COL4A6: variants seen among roughly 807,000 people sequenced by gnomAD.
The protein encoded by COL4A6 is collagen type IV alpha 6 chain, also known as collagen alpha-6(IV) chain.
Under a neutral mutation model 126.7 loss-of-function variants are expected in COL4A6, and 59 were observed. That is an observed-to-expected ratio of 0.47 (90% CI 0.38 to 0.58). The LOEUF (loss-of-function observed/expected upper bound fraction) is 0.58, where lower values mean the gene tolerates loss of function less well. Ranked by LOEUF, COL4A6 falls within the 20% of genes least tolerant of loss-of-function variation. The pLI, the probability that COL4A6 is intolerant of heterozygous loss-of-function variation, is 0.00. For synonymous variants in COL4A6, 547 were observed against 496.6 expected (o/e 1.10, Z -1.35); for missense variants, 1,285 against 1,337.3 (o/e 0.96, Z 0.61).
intron 2 of COL4A6, among the ~76,000 whole-genome samples, chrX:108,369,852 A>T (rs1569446033): frequency 8.9e-6 from 1 of 112,331 alleles, no homozygotes; most frequent in Non-Finnish European, 1.9e-5. Flanking sequence ...CTGCTGTTGC[A>T]GGGGGAAAGC....
chrX:108,184,950 T>C, intron 23 of COL4A6, among the ~76,000 whole-genome samples: 1 of 112,377 alleles, frequency 8.9e-6, no homozygotes, highest in Middle Eastern at 4.6e-3. Context: ...TTTAAAACCT[T>C]GTTGCTTGCA....
At chrX:108,352,562 A>G (rs2039869416) in intron 2 of COL4A6, among the ~76,000 whole-genome samples, 1 of 112,456 alleles carries the variant, frequency 8.9e-6, no homozygotes, top group Non-Finnish European at 1.9e-5. Context: ...ATCAGGGCTG[A>G]GACTAATACT....
At chrX:108,345,982 A>T (rs962139239) in intron 2 of COL4A6, among the ~76,000 whole-genome samples, 2 of 111,391 alleles carry the variant, frequency 1.8e-5, no homozygotes, top group Admixed American at 9.5e-5. Flanking sequence ...CAAGGTTGAG[A>T]AACACAAGTC....
At position 108,170,912 on chromosome X, in the gene COL4A6, T is replaced by C; in HGVS notation, c.3283A>G (p.Lys1095Glu). ...QPGESGFKGT[K>E]GRDGLIGNIG... ...TTGCCTATTAGTCCATCTCTTCCTT[T>C]TGTGCCTATAAAACCAAGAAAAATG... Residue 1095 changes from lysine to glutamate, a missense_variant, in exon 34 of 45, where the codon AAA (lysine) becomes GAA (glutamate). Coordinates refer to ENST00000334504, the MANE Select transcript of COL4A6 (RefSeq NM_033641.4). The C allele has an allele frequency of 8.3e-7, 1 of 1,207,967 alleles. No homozygotes were observed. The highest frequency in any genetic ancestry group is 1.8e-5 in the South Asian group (1 of 56,914).
chrX:108,287,552 T>C (rs967129103), intron 3 of COL4A6, among the ~76,000 whole-genome samples: 1 of 111,781 alleles, frequency 8.9e-6, no homozygotes, highest in African/African-American at 3.3e-5. Context: ...TCTGATGCTA[T>C]GTGAGTTATA....
At chrX:108,174,808 C>T (rs2034428406) in intron 30 of COL4A6, among the ~76,000 whole-genome samples, 187 bp from the exon 31 acceptor site, 1 of 111,266 alleles carries the variant, frequency 9.0e-6, no homozygotes, top group Non-Finnish European at 1.9e-5. Context: ...TCTGCTATAC[C>T]ACTGGGAAAG....
At chrX:108,387,095 C>T (rs1363863366) in intron 2 of COL4A6, among the ~76,000 whole-genome samples, 1 of 111,791 alleles carries the variant, frequency 8.9e-6, no homozygotes, top group Admixed American at 9.5e-5. Context: ...GTACCATTAC[C>T]ATGCTGTTTT....
rs1429344016 is a variant in COL4A6 at position 108,425,733 on chromosome X, A to ACACACACAC, written c.63+12208_63+12209insGTGTGTGTG. 2.6e-4 allele frequency among the ~76,000 whole-genome samples: 24 copies of ACACACACAC among 90,586 alleles called. No individual in the cohort carries two copies. In the East Asian group the frequency reaches 7.6e-3, roughly 29 times the overall value. The allele number at this position is 90,586 out of a possible 115,157, so 78.7% of individuals were successfully genotyped here. On this transcript the variant is annotated intron_variant, in intron 2 of 44. Transcript: ENST00000334504. ...TGGGCGACAGCACAACACACACACA[A>ACACACACAC]ACACACACACACACACACACACACA...
rs761064470 is a variant in COL4A6, at chrX:108,178,917, A to G, written c.2354-72T>C. Reference sequence around the variant, plus strand: ...TGAGTGGGTCAGCAAACCAACTTCCAGGACTTATCCCAGGTGCCACTGTCT... The same window carrying G: ...TGAGTGGGTCAGCAAACCAACTTCCGGGACTTATCCCAGGTGCCACTGTCT... On this transcript the variant is annotated intron_variant, in intron 26 of 44. Coordinates refer to ENST00000334504, the MANE Select transcript of COL4A6 (RefSeq NM_033641.4). 16 of 1,079,158 alleles carry G rather than the reference A, an allele frequency of 1.5e-5. No individual in the cohort carries two copies. In the African/African-American group the frequency reaches 2.9e-4, roughly 20 times the overall value. 88.9% of individuals were successfully genotyped at this position (1,079,158 alleles called of 1,213,427 possible). A position where few individuals can be genotyped will look rare whatever the true frequency, so the allele number is the denominator to read the frequency against.
chrX:108,302,166 C>T (rs1009504855), intron 3 of COL4A6, among the ~76,000 whole-genome samples: 2 of 110,803 alleles, frequency 1.8e-5, no homozygotes, highest in Admixed American at 9.6e-5. Flanking sequence ...ATGTCCTAAT[C>T]TCTCCCCCAT....
At chrX:108,407,192 C>T (rs2041224661) in intron 2 of COL4A6, among the ~76,000 whole-genome samples, 1 of 111,945 alleles carries the variant, frequency 8.9e-6, no homozygotes, top group East Asian at 2.8e-4. Context: ...ACTTTTATAA[C>T]CAGAAACTGT....
At chrX:108,356,271 G>A (rs912433378) in intron 2 of COL4A6, among the ~76,000 whole-genome samples, 1 of 109,338 alleles carries the variant, frequency 9.1e-6, no homozygotes, top group Non-Finnish European at 1.9e-5. Context: ...CATGGCACAT[G>A]TATACATATG....
intron 37 of COL4A6, 131 bp downstream of exon 37, chrX:108,169,364 G>T (rs2034225874): frequency 1.1e-6 from 1 of 869,681 alleles, no homozygotes; most frequent in Non-Finnish European, 1.6e-6. Flanking sequence ...TTCCCACTGG[G>T]TTGTGAGACT....
At chrX:108,423,127 C>A (rs1307719693) in intron 2 of COL4A6, among the ~76,000 whole-genome samples, 3 of 112,108 alleles carry the variant, frequency 2.7e-5, no homozygotes. Flanking sequence ...AGTTTCAAAT[C>A]TTGTCTTCTA....
At chrX:108,205,175 T>A (rs774835938) in intron 11 of COL4A6, among the ~76,000 whole-genome samples, 1 of 110,870 alleles carries the variant, frequency 9.0e-6, no homozygotes, top group South Asian at 3.9e-4. Flanking sequence ...TTCAAGGGAA[T>A]ATGTTTGTAA....
At position 108,161,746 on chromosome X, in the gene COL4A6, G is replaced by C; in HGVS notation, c.4217-11C>G. On this transcript the variant is annotated splice_polypyrimidine_tract_variant and intron_variant, in intron 41 of 44. Coordinates refer to ENST00000334504, the MANE Select transcript of COL4A6 (RefSeq NM_033641.4). ...GTAAACCTTTGGAGCCTGCAGGAGA[G>C]AAAGCCCAAAGGAGGGTACTCAATG... 1 of 1,140,427 alleles carries C rather than the reference G, an allele frequency of 8.8e-7. No homozygotes were observed. Among genetic ancestry groups the C allele is most frequent in the Non-Finnish European group, 1.2e-6 (1 of 832,166 alleles). 94.0% of individuals were successfully genotyped at this position (1,140,427 alleles called of 1,213,427 possible). A position where few individuals can be genotyped will look rare whatever the true frequency, so the allele number is the denominator to read the frequency against.
intron 13 of COL4A6, among the ~76,000 whole-genome samples, chrX:108,199,831 C>T (rs2035335177): frequency 9.0e-6 from 1 of 111,502 alleles, no homozygotes; most frequent in African/African-American, 3.3e-5. Context: ...AAAAACCCCA[C>T]CACGGCAGGG....
At chrX:108,374,509 C>T (rs1241006687) in intron 2 of COL4A6, among the ~76,000 whole-genome samples, 1 of 111,784 alleles carries the variant, frequency 8.9e-6, no homozygotes, top group Non-Finnish European at 1.9e-5. Context: ...TTTTAGTATT[C>T]AAAGGTAATT....
rs369188061 is a variant in COL4A6 at position 108,210,038 on chromosome X, A to G, written c.511-34T>C. 3.4e-5 allele frequency: 40 copies of G among 1,189,133 alleles called. No homozygotes were observed. The African/African-American group carries it at 5.3e-4, about 16-fold the overall frequency. ...CAAAGGCAGGACACTGAAGAGTTTAATAAATTAAGCCTGCAATATTTCAGA... is the reference window on the plus strand; with the variant it reads ...CAAAGGCAGGACACTGAAGAGTTTAGTAAATTAAGCCTGCAATATTTCAGA... On this transcript the variant is annotated intron_variant, in intron 7 of 44. Coordinates refer to ENST00000334504, the MANE Select transcript of COL4A6 (RefSeq NM_033641.4).
Sources: allele counts gnomAD v4.1 joint callset (sites outside exome capture counted in the v4.1 genomes callset), GRCh38; gene constraint gnomAD v4.1.1; transcripts MANE v1.5; gene names NCBI Gene and HGNC (gene_info 2026-07-23, HGNC 2026-07-21).